The following EYA1 variants were observed in gnomAD, a reference collection of about 807,000 sequenced individuals.
EYA1 encodes protein phosphatase EYA1.
A neutral mutation model predicts 82.0 loss-of-function variants in EYA1; 16 were observed. The observed-to-expected ratio is 0.20, with a 90% confidence interval of 0.13 to 0.30. The LOEUF (loss-of-function observed/expected upper bound fraction) is 0.30. Among genes scored for constraint, EYA1 ranks in the 10% least tolerant of loss-of-function variants. The pLI is 1.00. For missense variants in EYA1, 633 were observed against 730.7 expected, an observed-to-expected ratio of 0.87 and a Z score of 1.54; for synonymous variants, 261 against 264.4, an observed-to-expected ratio of 0.99 and a Z score of 0.12.
intron 2 of EYA1, among the ~76,000 whole-genome samples, chr8:71,492,383 T>C (rs747079950): frequency 6.6e-6 from 1 of 152,178 alleles, no homozygotes. Flanking sequence ...GAAGAGATGG[T>C]AGCAGGAGAA....
chr8:71,247,709 T>C (rs1375650678), intron 11 of EYA1, among the ~76,000 whole-genome samples: 1 of 152,216 alleles, frequency 6.6e-6, no homozygotes, highest in African/African-American at 2.4e-5. Flanking sequence ...TAAGTATCAG[T>C]AGGCATGCTG....
chr8:71,432,863 G>A (rs1410328721), intron 2 of EYA1, among the ~76,000 whole-genome samples: 1 of 152,134 alleles, frequency 6.6e-6, no homozygotes, highest in Non-Finnish European at 1.5e-5. Context: ...AGAAGACAAT[G>A]AGACATTGTA....
intron 2 of EYA1, among the ~76,000 whole-genome samples, chr8:71,476,772 A>G (rs1476041331): frequency 6.6e-6 from 1 of 152,138 alleles, no homozygotes; most frequent in African/African-American, 2.4e-5. Flanking sequence ...ATTCAAAACA[A>G]TCTTGAAAAA....
intron 2 of EYA1, among the ~76,000 whole-genome samples, chr8:71,454,418 G>A (rs1422144742): frequency 6.6e-6 from 1 of 152,134 alleles, no homozygotes; most frequent in East Asian, 1.9e-4. Context: ...GCACCAAGCG[G>A]ACTTAATAGA....
chr8:71,470,233 A>G (rs1056758844), intron 2 of EYA1, among the ~76,000 whole-genome samples: 1 of 152,090 alleles, frequency 6.6e-6, no homozygotes, highest in Non-Finnish European at 1.5e-5. Flanking sequence ...AGGATTTTAA[A>G]GAATAAAGGG....
intron 1 of EYA1, 188 bp from the exon 2 acceptor site, chr8:71,356,699 G>A (rs1328482938): frequency 7.8e-7 from 1 of 1,279,142 alleles, no homozygotes; most frequent in Non-Finnish European, 9.9e-7. Flanking sequence ...TCCTCCTGCA[G>A]GTCTATCCTC....
At chr8:71,375,261 AATAT>A (rs144567107) in intron 2 of EYA1, among the ~76,000 whole-genome samples, 39 of 151,194 alleles carry the variant, frequency 2.6e-4, no homozygotes, top group African/African-American at 9.5e-4. Context: ...GTACATCTTA[AATAT>A]ATATATATAA....
At chr8:71,335,506 A>G (rs748241275) in intron 3 of EYA1, among the ~76,000 whole-genome samples, 19 of 152,340 alleles carry the variant, frequency 1.2e-4, no homozygotes, top group Admixed American at 3.9e-4. Flanking sequence ...GACTAATGGA[A>G]ATCACTCTGC....
rs116870972 is a variant in EYA1 at position 71,216,918 on chromosome 8, T to C, written c.1199+47A>G. 2.8e-3 allele frequency: 4,518 copies of C among 1,611,640 alleles called. 7 individuals carry two copies. Among genetic ancestry groups the C allele is most frequent in the Non-Finnish European group, 3.5e-3 (4,149 of 1,177,744 alleles). ...AAGTCCATCTTAATTAGGTAAGTAATTAAACTATAAAAGGGAGATGGTCAC... is the reference window on the plus strand; with the variant it reads ...AAGTCCATCTTAATTAGGTAAGTAACTAAACTATAAAAGGGAGATGGTCAC... On this transcript the variant is annotated intron_variant, in intron 13 of 17. Transcript: ENST00000340726.
At chr8:71,216,070 C>T (rs1357786989) in intron 14 of EYA1, among the ~76,000 whole-genome samples, 1 of 152,100 alleles carries the variant, frequency 6.6e-6, no homozygotes, top group African/African-American at 2.4e-5. Context: ...TAGATTCCCT[C>T]CCCTCATGGA....
At chr8:71,242,951 A>AT (rs1812666630) in intron 12 of EYA1, among the ~76,000 whole-genome samples, 2 of 136,528 alleles carry the variant, frequency 1.5e-5, no homozygotes, top group Admixed American at 1.4e-4. Context: ...CTAATTTTGT[A>AT]TTTTTAATAG....
chr8:71,295,198 G>A (rs957718608), intron 9 of EYA1, among the ~76,000 whole-genome samples: 20 of 152,094 alleles, frequency 1.3e-4, no homozygotes, highest in African/African-American at 4.8e-4. Context: ...TTAGATACAG[G>A]AGCAAAGGCA....
intron 2 of EYA1, among the ~76,000 whole-genome samples, chr8:71,421,095 A>G (rs181045036): frequency 1.8e-4 from 27 of 152,288 alleles, no homozygotes; most frequent in African/African-American, 6.0e-4. Flanking sequence ...AATCCTCTGA[A>G]ACCTGAGTCA....
chr8:71,534,359 A>G (rs1814524255), intron 2 of EYA1, among the ~76,000 whole-genome samples: 1 of 152,278 alleles, frequency 6.6e-6, no homozygotes, highest in African/African-American at 2.4e-5. Context: ...GGTAAAAGCT[A>G]CATGATACGA....
chr8:71,456,241 C>T (rs1273446502), intron 2 of EYA1, among the ~76,000 whole-genome samples: 2 of 152,134 alleles, frequency 1.3e-5, no homozygotes, highest in Non-Finnish European at 2.9e-5. Flanking sequence ...CAAACCACTG[C>T]TCAACAAAAT....
At chr8:71,274,748 A>G (rs1292893798) in intron 9 of EYA1, among the ~76,000 whole-genome samples, 4 of 152,248 alleles carry the variant, frequency 2.6e-5, no homozygotes, top group East Asian at 1.9e-4. Flanking sequence ...GGAAGTCCAC[A>G]TAACTCAGAT....
At chr8:71,262,254 T>C (rs1815218458) in intron 11 of EYA1, among the ~76,000 whole-genome samples, 1 of 152,194 alleles carries the variant, frequency 6.6e-6, no homozygotes, top group Non-Finnish European at 1.5e-5. Context: ...TTATTACTGA[T>C]CCAACACATT....
intron 2 of EYA1, among the ~76,000 whole-genome samples, chr8:71,370,037 TA>T (rs576396085): frequency 1.4e-3 from 205 of 150,820 alleles, no homozygotes; most frequent in South Asian, 2.5e-3. Context: ...AGTTTTAGGT[TA>T]AAAAAAAAGC....
At chr8:71,265,729 C>T (rs1815715136) in intron 11 of EYA1, among the ~76,000 whole-genome samples, 1 of 152,180 alleles carries the variant, frequency 6.6e-6, no homozygotes, top group Admixed American at 6.5e-5. Flanking sequence ...TAGTTTTCTT[C>T]AATGACATTC....
Sources: allele counts gnomAD v4.1 joint callset (sites outside exome capture counted in the v4.1 genomes callset), GRCh38; gene constraint gnomAD v4.1.1; transcripts MANE v1.5; gene names NCBI Gene and HGNC (gene_info 2026-07-23, HGNC 2026-07-21).